TTC34: variants seen among roughly 807,000 people sequenced by gnomAD.
The protein encoded by TTC34 is tetratricopeptide repeat protein 34.
TTC34 carries 44 observed loss-of-function variants against 40.7 expected under a neutral mutation model. The ratio of observed to expected loss-of-function variants is 1.08; its 90% CI spans 0.85 to 1.39. The LOEUF (loss-of-function observed/expected upper bound fraction) is 1.39, where lower values mean the gene tolerates loss of function less well. Ranked by LOEUF, TTC34 falls within the 40% of genes most tolerant of loss-of-function variation. The pLI is 0.00. For synonymous variants in TTC34, 422 were observed against 398.6 expected (o/e 1.06, Z -0.70); for missense variants, 884 against 838.0 (o/e 1.05, Z -0.68).
chr1:2,642,984 G>C (rs1364380575), intron 8 of TTC34, among the ~76,000 whole-genome samples: 1 of 152,242 alleles, frequency 6.6e-6, no homozygotes, highest in African/African-American at 2.4e-5. Flanking sequence ...CCCCTCTCCG[G>C]GCGGAGGCAC....
At chr1:2,671,785 C>T (rs1639709886) in intron 6 of TTC34, among the ~76,000 whole-genome samples, 1 of 150,388 alleles carries the variant, frequency 6.6e-6, no homozygotes, top group Non-Finnish European at 1.5e-5. Context: ...GAAGCAGCAC[C>T]CACACACCGA....
chr1:2,789,671 G>A (rs539053826), exon 3 of TTC34: 2 of 1,292,374 alleles, frequency 1.5e-6, no homozygotes, highest in Admixed American at 8.1e-5. Context: ...GGCCAGCAGC[G>A]CCTCCTCGGG....
intron 6 of TTC34, among the ~76,000 whole-genome samples, chr1:2,693,147 C>G (rs1202837249): frequency 1.7e-5 from 1 of 60,246 alleles, no homozygotes; most frequent in Admixed American, 1.8e-4. Context: ...AACCCACACC[C>G]CCAGGCGAGC....
At chr1:2,755,729 G>C (rs1250511853) in intron 6 of TTC34, among the ~76,000 whole-genome samples, 4 of 36,518 alleles carry the variant, frequency 1.1e-4, no homozygotes, top group East Asian at 1.4e-3. Context: ...CGACAGCCTG[G>C]AGCAGCACCC....
intron 6 of TTC34, among the ~76,000 whole-genome samples, chr1:2,686,862 C>G (rs1570815805): frequency 1.2e-4 from 16 of 128,290 alleles, no homozygotes; most frequent in Admixed American, 3.1e-4. Context: ...GAGCATCGGA[C>G]AGCCTGGAGC....
Position 2,754,932 on chromosome 1 carries a change from ACG to A in TTC34, c.2226+28675_2226+28676del, listed in dbSNP as rs1641456543. ...GGAGCATCTGACAGCCTGGAACAGC[ACG>A]CACACACCCAGGTGAGCATCTGACC... is the stretch of plus-strand genomic sequence containing the variant. On this transcript the variant is annotated intron_variant, in intron 6 of 8. Transcript: ENST00000401095. 1.1e-3 allele frequency among the ~76,000 whole-genome samples: 76 copies of A among 67,472 alleles called. 9 individuals carry two copies. The highest frequency in any genetic ancestry group is 7.5e-4 in the Non-Finnish European group (30 of 40,126). 44.3% of individuals were successfully genotyped at this position (67,472 alleles called of 152,430 possible). A position where few individuals can be genotyped will look rare whatever the true frequency, so the allele number is the denominator to read the frequency against.
Position 2,796,947 on chromosome 1 carries a change from G to A in TTC34, c.784+3097C>T, listed in dbSNP as rs139810029. Among the ~76,000 whole-genome samples, 2 of 152,062 alleles carry A rather than the reference G, an allele frequency of 1.3e-5. No individual in the cohort carries two copies. The highest frequency in any genetic ancestry group is 2.9e-5 in the Non-Finnish European group (2 of 67,994). ...CGCACACTCCTTGTCCTCTCCTTACGGACATTGTGGCCACTCTCAGGGCTG... is the reference window on the plus strand; with the variant it reads ...CGCACACTCCTTGTCCTCTCCTTACAGACATTGTGGCCACTCTCAGGGCTG... On this transcript the variant is annotated intron_variant, in intron 2 of 8. Transcript: ENST00000401095. The surrounding 1 kb of genome is among the most constrained non-coding windows in gnomAD (Gnocchi z 4.5).
intron 6 of TTC34, among the ~76,000 whole-genome samples, chr1:2,681,337 CGCTG>C (rs1640064471): frequency 2.0e-5 from 1 of 49,600 alleles, no homozygotes; most frequent in African/African-American, 8.1e-5. Flanking sequence ...TGGAACAGCA[CGCTG>C]CCCCCCCAGG....
At chr1:2,674,304 G>C (rs1354575342) in intron 6 of TTC34, among the ~76,000 whole-genome samples, 1 of 75,008 alleles carries the variant, frequency 1.3e-5, no homozygotes, top group Non-Finnish European at 3.2e-5. Flanking sequence ...TGACAGCCTG[G>C]AACAGCACCC....
At chr1:2,788,269 C>T (rs550123651) in intron 3 of TTC34, among the ~76,000 whole-genome samples, 1 of 152,000 alleles carries the variant, frequency 6.6e-6, no homozygotes, top group African/African-American at 2.4e-5. Flanking sequence ...GTTTTGTGTG[C>T]GTTATGTACA....
chr1:2,785,802 A>G lies in TTC34; in HGVS notation c.2059+17T>C. 2 of 1,541,472 alleles carry G rather than the reference A, an allele frequency of 1.3e-6. No individual in the cohort carries two copies. The highest frequency in any genetic ancestry group is 1.8e-6 in the Non-Finnish European group (2 of 1,142,628). The stretch of plus-strand genomic sequence containing the variant: ...TGGCACAAGACTGGGCCCTGGGGGC[A>G]GGTGGGCAGCTCCTACCTGCGGCAA... On this transcript the variant is annotated intron_variant, in intron 5 of 8. Transcript: ENST00000401095.
At chr1:2,790,297 G>A in exon 3 of TTC34, 1 of 398,432 alleles carries the variant, frequency 2.5e-6, no homozygotes, top group South Asian at 1.3e-4. Context: ...GGCCGTCCAG[G>A]AAGAAGGCCG....
At chr1:2,683,292 C>A (rs1357084426) in intron 6 of TTC34, among the ~76,000 whole-genome samples, 4 of 151,624 alleles carry the variant, frequency 2.6e-5, no homozygotes, top group Admixed American at 6.6e-5. Flanking sequence ...CATCTGACAG[C>A]CTGGAACAGA....
At chr1:2,672,552 AG>A (rs1639739117) in intron 6 of TTC34, among the ~76,000 whole-genome samples, 1 of 48,496 alleles carries the variant, frequency 2.1e-5, no homozygotes, top group East Asian at 5.8e-4. Context: ...CAGCACCCAT[AG>A]CCCATGGTGA....
At chr1:2,699,483 A>G (rs1178194889) in intron 6 of TTC34, among the ~76,000 whole-genome samples, 2 of 126,298 alleles carry the variant, frequency 1.6e-5, no homozygotes, top group African/African-American at 5.4e-5. Flanking sequence ...AGCCTGGAGC[A>G]GCACCCACAC....
intron 6 of TTC34, among the ~76,000 whole-genome samples, chr1:2,750,349 G>C (rs1382841997): frequency 2.7e-5 from 2 of 74,144 alleles, no homozygotes; most frequent in South Asian, 4.9e-4. Flanking sequence ...TGACAGCCTT[G>C]AACAGCACCC....
chr1:2,782,426 T>G (rs1032532732), intron 6 of TTC34, among the ~76,000 whole-genome samples: 3 of 152,234 alleles, frequency 2.0e-5, no homozygotes, highest in Non-Finnish European at 4.4e-5. Context: ...AATTTTGTCT[T>G]TTCAAGGACA....
chr1:2,692,145 C>A (rs1198866964), intron 6 of TTC34, among the ~76,000 whole-genome samples: 2 of 83,254 alleles, frequency 2.4e-5, no homozygotes, highest in Non-Finnish European at 5.4e-5. Flanking sequence ...GCACCCACAA[C>A]CCCAGGCGAG....
At chr1:2,752,683 G>T (rs1194580134) in intron 6 of TTC34, among the ~76,000 whole-genome samples, 2 of 143,418 alleles carry the variant, frequency 1.4e-5, no homozygotes, top group Non-Finnish European at 3.0e-5. Context: ...ACCTGCAACA[G>T]CACCCATACG....
Sources: gnomAD v4.1 joint callset for allele counts (sites outside exome capture counted in the v4.1 genomes callset) on GRCh38, gnomAD v4.1.1 for gene constraint, Gnocchi (gnomAD v3.1) non-coding constraint, MANE v1.5 for transcripts, NCBI Gene and HGNC (gene_info 2026-07-23, HGNC 2026-07-21) for gene names.